The following SGSM2 variants were observed in gnomAD, a reference collection of about 807,000 sequenced individuals.
SGSM2 encodes small G protein signaling modulator 2.
A neutral mutation model predicts 126.6 loss-of-function variants in SGSM2; 89 were observed. That is an observed-to-expected ratio of 0.70 (90% CI 0.59 to 0.84). The LOEUF is 0.84. Ranked by LOEUF, SGSM2 falls within the 40% of genes least tolerant of loss-of-function variation. The pLI is 0.00. For synonymous variants in SGSM2, 614 were observed against 574.3 expected, an observed-to-expected ratio of 1.07 and a Z score of -0.99; for missense variants, 1,404 against 1,416.6, an observed-to-expected ratio of 0.99 and a Z score of 0.14.
At chr17:2,371,644 C>A in intron 13 of SGSM2, 1 of 547,020 alleles carries the variant, frequency 1.8e-6, no homozygotes, top group Non-Finnish European at 3.2e-6. Flanking sequence ...GGGGATGATG[C>A]CACTTGCTGC....
intron 1 of SGSM2, among the ~76,000 whole-genome samples, chr17:2,338,765 C>T (rs1416126998): frequency 1.1e-5 from 1 of 92,308 alleles, no homozygotes; most frequent in African/African-American, 4.8e-5. Flanking sequence ...GTCTCTATGC[C>T]GTCTCCCTAA....
rs779269407 is a variant in SGSM2 at position 2,372,495 on chromosome 17, A to T, written c.1788+7A>T. The stretch of plus-strand genomic sequence containing the variant: ...GTATCAGAAGGACAAAAAGGTGCCA[A>T]CCCTGGGGTTCCAGGGCCACAGGTC... On this transcript the variant is annotated splice_region_variant and intron_variant, in intron 15 of 23. Coordinates refer to ENST00000268989, the MANE Select transcript of SGSM2 (RefSeq NM_014853.3). The surrounding 1 kb of genome is among the most constrained non-coding windows in gnomAD (Gnocchi z 6.0). 1.9e-6 allele frequency: 3 copies of T among 1,594,378 alleles called. No individual in the cohort carries two copies. Among genetic ancestry groups the T allele is most frequent in the Non-Finnish European group, 2.6e-6 (3 of 1,174,400 alleles).
chr17:2,349,789 T>A (rs4790330), intron 2 of SGSM2, among the ~76,000 whole-genome samples: 13,097 of 72,704 alleles, frequency 0.18, 941 homozygotes, highest in African/African-American at 0.26. Context: ...TAGTGAAATG[T>A]TTTGTTTTTT....
chr17:2,340,740 A>T (rs565943287), intron 1 of SGSM2, among the ~76,000 whole-genome samples: 2 of 151,788 alleles, frequency 1.3e-5, no homozygotes, highest in East Asian at 2.0e-4. Flanking sequence ...GCCTGCCACC[A>T]CGCCCGGCTA....
intron 2 of SGSM2, among the ~76,000 whole-genome samples, chr17:2,354,548 C>A (rs1445755672): frequency 6.6e-6 from 1 of 152,160 alleles, no homozygotes; most frequent in Admixed American, 6.5e-5. Context: ...TCACCTGTCC[C>A]CTATTGATGG....
At chr17:2,374,321 A>G (rs1036254405) in intron 17 of SGSM2, 7 of 152,230 alleles carry the variant, frequency 4.6e-5, no homozygotes, top group Non-Finnish European at 4.4e-5. Flanking sequence ...TCATGCCTGT[A>G]ATTCCAACAC....
At chr17:2,373,285 G>A (rs777298318) in intron 16 of SGSM2, 46 bp from the exon 17 acceptor site, 2 of 1,586,474 alleles carry the variant, frequency 1.3e-6, no homozygotes, top group South Asian at 1.1e-5. Flanking sequence ...GAAGGGGAGG[G>A]CCTGGTGCAC....
At chr17:2,368,050 GC>G (rs2065678660) in intron 12 of SGSM2, among the ~76,000 whole-genome samples, 4 of 152,204 alleles carry the variant, frequency 2.6e-5, no homozygotes. Context: ...CCCCAGATAT[GC>G]CCCTGGTTCA....
intron 1 of SGSM2, among the ~76,000 whole-genome samples, chr17:2,341,647 A>G (rs948175698): frequency 6.6e-6 from 1 of 152,198 alleles, no homozygotes; most frequent in African/African-American, 2.4e-5. Flanking sequence ...TATGTGTAAC[A>G]TTCTGCACTA....
Position 2,376,151 on chromosome 17 carries a change from C to A in SGSM2, c.2499C>A (p.Asp833Glu), listed in dbSNP as rs17853890. Residue 833 changes from aspartate (D) to glutamate (E), a missense_variant, in exon 19 of 24, where the codon GAC becomes GAA. Physicochemically the swap from Asp to Glu is conservative, Grantham distance 45. Coordinates refer to ENST00000268989, the MANE Select transcript of SGSM2 (RefSeq NM_014853.3). ...CACTCTTCCAGATAGAATTACTGGA[C>A]ACTGTGGCCTTAAACCTGCACCGCA... ...CAAAYTIELL[D>E]TVALNLHRID... The A allele has an allele frequency of 1.2e-6, 2 of 1,613,982 alleles. No individual in the cohort carries two copies.
In SGSM2 at chr17:2,362,073, A is replaced by C; in HGVS notation, c.297-36A>C. The stretch of plus-strand genomic sequence containing the variant: ...CCAGCATTCTGGGGTTTACCCCTAG[A>C]CCACTGCACTCCTGGAGCCCTCCCC... On this transcript the variant is annotated intron_variant, in intron 3 of 23. Coordinates refer to ENST00000268989, the MANE Select transcript of SGSM2 (RefSeq NM_014853.3). This position sits in a 1 kb window ranked among gnomAD's most constrained non-coding sequence, Gnocchi z 4.9. 6.3e-7 allele frequency: 1 copy of C among 1,592,190 alleles called. No homozygotes were observed. Among genetic ancestry groups the C allele is most frequent in the Non-Finnish European group, 8.5e-7 (1 of 1,171,564 alleles).
chr17:2,350,575 A>G (rs528339974), intron 2 of SGSM2, among the ~76,000 whole-genome samples: 2 of 152,008 alleles, frequency 1.3e-5, no homozygotes, highest in Non-Finnish European at 2.9e-5. Context: ...GTACCACTGC[A>G]CCACTGTACT....
intron 2 of SGSM2, among the ~76,000 whole-genome samples, chr17:2,356,983 G>A (rs528481915): frequency 6.6e-6 from 1 of 151,676 alleles, no homozygotes; most frequent in African/African-American, 2.4e-5. Flanking sequence ...GTTAGGGAAG[G>A]GACCCCATAT....
At chr17:2,338,814 G>C (rs1389838232) in intron 1 of SGSM2, among the ~76,000 whole-genome samples, 1 of 129,172 alleles carries the variant, frequency 7.7e-6, no homozygotes, top group Non-Finnish European at 1.6e-5. Context: ...ATCCCAGCAC[G>C]TTGGGAGGCC....
At chr17:2,376,691 A>T (rs1444219722) in intron 19 of SGSM2, 42 bp from the exon 20 acceptor site, 1 of 1,603,956 alleles carries the variant, frequency 6.2e-7, no homozygotes, top group Non-Finnish European at 8.5e-7. Flanking sequence ...GAGGGAGGGA[A>T]GAATGGGGCA....
At chr17:2,351,250 C>T (rs977693437) in intron 2 of SGSM2, among the ~76,000 whole-genome samples, 7 of 149,136 alleles carry the variant, frequency 4.7e-5, no homozygotes, top group South Asian at 2.1e-4. Context: ...GAGACTCAGT[C>T]TCAAAAAAAA....
At chr17:2,360,842 G>T (rs2065278471) in intron 2 of SGSM2, among the ~76,000 whole-genome samples, 1 of 152,232 alleles carries the variant, frequency 6.6e-6, no homozygotes, top group African/African-American at 2.4e-5. Flanking sequence ...CCTCATCCTG[G>T]TGGCTCTGCC....
chr17:2,362,708 C>A lies in SGSM2; in HGVS notation c.459-130C>A. On this transcript the variant is annotated intron_variant, in intron 4 of 23. Coordinates refer to ENST00000268989, the MANE Select transcript of SGSM2 (RefSeq NM_014853.3). This position sits in a 1 kb window ranked among gnomAD's most constrained non-coding sequence, Gnocchi z 4.9. ...ACCAGGCACCTCACGAAGCCCAGTC[C>A]CTAAGGACTCACTGTTTCTTGATGA... is the stretch of plus-strand genomic sequence containing the variant. 1.1e-6 allele frequency: 1 copy of A among 922,298 alleles called. No individual in the cohort carries two copies. Among genetic ancestry groups the A allele is most frequent in the Non-Finnish European group, 1.7e-6 (1 of 593,662 alleles). The allele number at this position is 922,298 out of a possible 1,614,324, so 57.1% of individuals were successfully genotyped here. A position where few individuals can be genotyped will look rare whatever the true frequency, so the allele number is the denominator to read the frequency against.
At position 2,364,894 on chromosome 17, in the gene SGSM2, C is replaced by A. The variant is rs2065486588; in HGVS notation, c.1001-3C>A. ...CAGCCGCACTCTCCACGTTCACCCC[C>A]AGAGAGCGGTGGCACGCTTGTGCTG... On this transcript the variant is annotated splice_polypyrimidine_tract_variant and splice_region_variant and intron_variant, in intron 9 of 23. Coordinates refer to ENST00000268989, the MANE Select transcript of SGSM2 (RefSeq NM_014853.3). 1 of 1,608,400 alleles carries A rather than the reference C, an allele frequency of 6.2e-7. No homozygotes were observed. Among genetic ancestry groups the A allele is most frequent in the Non-Finnish European group, 8.5e-7 (1 of 1,179,896 alleles).
Sources: allele counts gnomAD v4.1 joint callset (sites outside exome capture counted in the v4.1 genomes callset), GRCh38; gene constraint gnomAD v4.1.1; non-coding constraint Gnocchi (gnomAD v3.1); transcripts MANE v1.5; gene names NCBI Gene and HGNC (gene_info 2026-07-23, HGNC 2026-07-21).